RUFY1: variants seen among roughly 807,000 people sequenced by gnomAD.
The protein encoded by RUFY1 is RUN and FYVE domain-containing protein 1.
Under a neutral mutation model 94.6 loss-of-function variants are expected in RUFY1, and 54 were observed. The ratio of observed to expected loss-of-function variants is 0.57; its 90% confidence interval spans 0.46 to 0.72. RUFY1 has a LOEUF of 0.72. Among genes scored for constraint, RUFY1 ranks in the 30% least tolerant of loss-of-function variants. The pLI, the probability that RUFY1 is intolerant of heterozygous loss-of-function variation, is 0.00. For missense variants in RUFY1, 883 were observed against 883.9 expected, an observed-to-expected ratio of 1.00 and a Z score of 0.01; for synonymous variants, 396 against 347.3, an observed-to-expected ratio of 1.14 and a Z score of -1.56.
At chr5:179,605,770 A>C in intron 15 of RUFY1, 106 bp from the exon 16 acceptor site, 4 of 795,650 alleles carry the variant, frequency 5.0e-6, no homozygotes, top group Non-Finnish European at 8.8e-6. Flanking sequence ...GGGTCTCCTC[A>C]CAAGTCCGGT....
chr5:179,603,504 T>C (rs1357098538), intron 15 of RUFY1: 2 of 152,676 alleles, frequency 1.3e-5, no homozygotes, highest in African/African-American at 4.8e-5. Context: ...TCTGGCCCGT[T>C]CCTTCCCAAC....
In RUFY1 at chr5:179,577,077, T is replaced by A. The variant is rs1374500752; in HGVS notation, c.831T>A (p.Val277=). 1 of 1,598,156 alleles carries A rather than the reference T, an allele frequency of 6.3e-7. No homozygotes were observed. The highest frequency in any genetic ancestry group is 8.6e-7 in the Non-Finnish European group (1 of 1,166,142). The change falls in exon 6 of 18, where the codon GTT becomes GTA. Residue 277 remains valine, a splice_region_variant and synonymous_variant. Transcript: ENST00000319449. ...CTTGTGCATTTTATTTCGTTTAGGT[T>A]GGAGTAATAGATTTTTCCCTCTACC... ...CLKGEDLDSQ[V]GVIDFSLYLK...
At chr5:179,567,409 CTG>C (rs1762908492) in intron 3 of RUFY1, 50 bp from the exon 4 acceptor site, 1 of 1,353,536 alleles carries the variant, frequency 7.4e-7, no homozygotes, top group African/African-American at 1.4e-5. Context: ...GGTGTCTTTT[CTG>C]TGTTTGTTGT....
chr5:179,554,150 A>G (rs1406443956), intron 1 of RUFY1, among the ~76,000 whole-genome samples: 1 of 152,222 alleles, frequency 6.6e-6, no homozygotes, highest in Non-Finnish European at 1.5e-5. Flanking sequence ...TTAGGAGCAG[A>G]GATTGAATGT....
chr5:179,560,448 G>A (rs914394206), intron 2 of RUFY1, among the ~76,000 whole-genome samples: 14 of 152,078 alleles, frequency 9.2e-5, no homozygotes, highest in South Asian at 4.1e-4. Context: ...GGCTGGGCGC[G>A]GTGGCTCACG....
chr5:179,600,590 A>G (rs1029725471), intron 14 of RUFY1, among the ~76,000 whole-genome samples: 9 of 151,112 alleles, frequency 6.0e-5, no homozygotes, highest in Non-Finnish European at 1.0e-4. Context: ...CAGTTCTTCT[A>G]TAGATTTTTT....
chr5:179,582,081 ATTTTAGAAAATACC>A (rs1490067225), intron 7 of RUFY1, among the ~76,000 whole-genome samples: 1 of 152,128 alleles, frequency 6.6e-6, no homozygotes, highest in African/African-American at 2.4e-5. Context: ...TAGATATTAA[ATTTTAGAAAATACC>A]TTTTAGTGTC....
At chr5:179,606,024 G>T (rs1029697303) in intron 16 of RUFY1, 100 bp downstream of exon 16, 7 of 815,696 alleles carry the variant, frequency 8.6e-6, no homozygotes, top group Non-Finnish European at 1.3e-5. Flanking sequence ...AGAGCGTGTG[G>T]TTGAGGCAGT....
At position 179,560,006 on chromosome 5, in the gene RUFY1, C is replaced by T. The variant is rs760090016; in HGVS notation, c.311-19C>T. On this transcript the variant is annotated intron_variant, in intron 1 of 17. Transcript: ENST00000319449. ...ACGCTCAGTCCACTAACGAAGCTATCCCTGCTCCTGCCCCACAGCTTCTAA... is the reference window on the plus strand; with the variant it reads ...ACGCTCAGTCCACTAACGAAGCTATTCCTGCTCCTGCCCCACAGCTTCTAA... The T allele has an allele frequency of 1.2e-6, 2 of 1,609,362 alleles. No homozygotes were observed. Among genetic ancestry groups the T allele is most frequent in the African/African-American group, 1.3e-5 (1 of 74,872 alleles).
intron 11 of RUFY1, 48 bp downstream of exon 11, chr5:179,593,693 G>T: frequency 1.9e-6 from 3 of 1,589,886 alleles, no homozygotes; most frequent in South Asian, 1.1e-5. Flanking sequence ...TCTGCTGCTC[G>T]CCAGTCTTGT....
chr5:179,557,839 G>A (rs1304184552), intron 1 of RUFY1, among the ~76,000 whole-genome samples: 1 of 152,114 alleles, frequency 6.6e-6, no homozygotes, highest in African/African-American at 2.4e-5. Context: ...AGCAGTAAAA[G>A]GCTGGTCTTC....
At chr5:179,574,182 G>A (rs1408234760) in intron 5 of RUFY1, among the ~76,000 whole-genome samples, 1 of 151,986 alleles carries the variant, frequency 6.6e-6, no homozygotes, top group East Asian at 1.9e-4. Flanking sequence ...AGATCATGAG[G>A]TCAGGAGGTT....
rs771080835 is a variant in RUFY1, at chr5:179,607,568, C to T, written c.1906-14C>T. The T allele has an allele frequency of 4.3e-6, 7 of 1,613,272 alleles. No homozygotes were observed. Among genetic ancestry groups the T allele is most frequent in the Middle Eastern group, 1.7e-4 (1 of 6,058 alleles). On this transcript the variant is annotated splice_polypyrimidine_tract_variant and intron_variant, in intron 16 of 17. Transcript: ENST00000319449. ...AGACAGAAAGTGGATTCTAGAATGT[C>T]CTTTCCTCTTCAGGGCCACGCCTGG...
At chr5:179,600,674 A>C (rs1166352837) in intron 14 of RUFY1, among the ~76,000 whole-genome samples, 2 of 132,852 alleles carry the variant, frequency 1.5e-5, no homozygotes, top group African/African-American at 5.7e-5. Context: ...CATTTGTCCT[A>C]TGATGGTAAC....
At chr5:179,576,493 T>C (rs961194982) in intron 5 of RUFY1, among the ~76,000 whole-genome samples, 2 of 152,218 alleles carry the variant, frequency 1.3e-5, no homozygotes, top group African/African-American at 4.8e-5. Context: ...CGATCTCAGC[T>C]CACTGCAACT....
At chr5:179,554,966 CA>C (rs112803081) in intron 1 of RUFY1, among the ~76,000 whole-genome samples, 233 of 140,388 alleles carry the variant, frequency 1.7e-3, no homozygotes, top group Admixed American at 1.8e-3. Context: ...AATTCTGTCT[CA>C]AAAAAAAAAA....
intron 1 of RUFY1, among the ~76,000 whole-genome samples, chr5:179,559,061 C>T (rs1191991488): frequency 6.6e-6 from 1 of 152,184 alleles, no homozygotes; most frequent in Non-Finnish European, 1.5e-5. Context: ...TACGATCCCC[C>T]GCCCCCATTC....
chr5:179,559,762 C>T, intron 1 of RUFY1: 9 of 1,183,484 alleles, frequency 7.6e-6, no homozygotes, highest in Non-Finnish European at 9.4e-6. Context: ...CGTAGCAACG[C>T]GCGGAGCCGT....
chr5:179,598,050 C>T (rs776842131), intron 13 of RUFY1, among the ~76,000 whole-genome samples: 11 of 152,264 alleles, frequency 7.2e-5, no homozygotes, highest in African/African-American at 1.9e-4. Flanking sequence ...ATTAGCTGGG[C>T]GTGGTGGCGT....
Sources: allele counts gnomAD v4.1 joint callset (sites outside exome capture counted in the v4.1 genomes callset), GRCh38; gene constraint gnomAD v4.1.1; transcripts MANE v1.5; gene names NCBI Gene and HGNC (gene_info 2026-07-23, HGNC 2026-07-21).